HUS1: variants seen among roughly 807,000 people sequenced by gnomAD.
HUS1 encodes the protein HUS1 checkpoint clamp component.
Under a neutral mutation model 32.6 loss-of-function variants are expected in HUS1, and 31 were observed. The observed-to-expected ratio is 0.95, with a 90% confidence interval of 0.72 to 1.28. The LOEUF is 1.28. HUS1 is among the 50% of genes most tolerant of loss of function. The probability of loss-of-function intolerance (pLI) is 0.00; values close to 1 mark genes in which losing one functional copy is unlikely to be tolerated. For synonymous variants in HUS1, 123 were observed against 116.6 expected (o/e 1.06, Z -0.36); for missense variants, 340 against 337.7 (o/e 1.01, Z -0.05).
intron 5 of HUS1, among the ~76,000 whole-genome samples, chr7:47,972,621 A>C (rs1219839426): frequency 1.3e-5 from 2 of 152,246 alleles, no homozygotes; most frequent in East Asian, 3.8e-4. Context: ...AATGCTGACT[A>C]TACTGGGCAC....
chr7:47,979,215 G>C (rs1236342118), intron 1 of HUS1, among the ~76,000 whole-genome samples: 3 of 152,046 alleles, frequency 2.0e-5, no homozygotes, highest in Admixed American at 6.5e-5. Flanking sequence ...TTTTTTTAAA[G>C]CCACGTGATC....
intron 6 of HUS1, 167 bp downstream of exon 6, chr7:47,969,052 C>G: frequency 1.8e-6 from 1 of 554,262 alleles, no homozygotes. Context: ...AACTGCCCCA[C>G]TACACCACAG....
At chr7:47,978,147 A>G in intron 3 of HUS1, 1 of 352,848 alleles carries the variant, frequency 2.8e-6, no homozygotes, top group East Asian at 4.9e-5. Context: ...ATTTCTAGAC[A>G]AGGTGACAAT....
At position 47,965,115 on chromosome 7, in the gene HUS1, C is replaced by G; in HGVS notation, c.*241G>C. ...TCTTTAAAGTCTGAATAAATAAATT[C>G]TAGCTTTTCTTTTCAGTGTCTTAAA... On this transcript the variant is annotated 3_prime_UTR_variant, in exon 8 of 8. Coordinates refer to ENST00000258774, the MANE Select transcript of HUS1 (RefSeq NM_004507.4). 2.8e-6 allele frequency: 1 copy of G among 357,998 alleles called. No homozygotes were observed. 22.2% of individuals were successfully genotyped at this position (357,998 alleles called of 1,614,324 possible).
At chr7:47,970,265 C>T (rs1461015664) in intron 5 of HUS1, among the ~76,000 whole-genome samples, 1 of 117,480 alleles carries the variant, frequency 8.5e-6, no homozygotes. Flanking sequence ...GAGAAATGAA[C>T]AATAATAGAC....
At chr7:47,967,448 C>T (rs933319016) in intron 7 of HUS1, among the ~76,000 whole-genome samples, 11 of 151,938 alleles carry the variant, frequency 7.2e-5, no homozygotes, top group Non-Finnish European at 1.6e-4. Context: ...GCACTCTGAG[C>T]AGGTCAAATT....
At chr7:47,977,102 C>T (rs1454911672) in intron 3 of HUS1, among the ~76,000 whole-genome samples, 1 of 152,038 alleles carries the variant, frequency 6.6e-6, no homozygotes, top group African/African-American at 2.4e-5. Flanking sequence ...AATAAAAATG[C>T]AAACAAATGA....
At chr7:47,978,368 C>T (rs2242477) in intron 3 of HUS1, 49 bp downstream of exon 3, 760,504 of 1,525,528 alleles carry the variant, frequency 0.5, 192,629 homozygotes, top group East Asian at 0.53. Context: ...TATGTCTATT[C>T]CTTCGAGGCC....
At chr7:47,967,954 A>C in intron 6 of HUS1, 29 bp from the exon 7 acceptor site, 2 of 1,600,144 alleles carry the variant, frequency 1.2e-6, no homozygotes, top group Non-Finnish European at 1.7e-6. Flanking sequence ...ATTTAAATAC[A>C]ACATCTTCCC....
chr7:47,971,398 C>A, intron 5 of HUS1: 2 of 451,734 alleles, frequency 4.4e-6, no homozygotes, highest in Non-Finnish European at 4.5e-6. Context: ...TCGGGCACCC[C>A]TCTTCTACTC....
intron 7 of HUS1, among the ~76,000 whole-genome samples, chr7:47,967,020 A>T (rs947269659): frequency 6.6e-6 from 1 of 152,142 alleles, no homozygotes. Flanking sequence ...GGTCCTTGAC[A>T]TTGCCACCTA....
chr7:47,979,572 G>A lies in HUS1; in HGVS notation c.-53C>T. 1 of 1,441,468 alleles carries A rather than the reference G, an allele frequency of 6.9e-7. No homozygotes were observed. Among genetic ancestry groups the A allele is most frequent in the Non-Finnish European group, 9.7e-7 (1 of 1,030,166 alleles). 89.3% of individuals were successfully genotyped at this position (1,441,468 alleles called of 1,614,324 possible). On this transcript the variant is annotated 5_prime_UTR_variant, in exon 1 of 8. Coordinates refer to ENST00000258774, the MANE Select transcript of HUS1 (RefSeq NM_004507.4). ...CCTCTGTGGGTAACAGAAAAGCGTC[G>A]CGCCCTGAGTGTCCCCGCCCGGAAA...
chr7:47,965,792 AG>A (rs1339463346), intron 7 of HUS1, among the ~76,000 whole-genome samples: 3 of 152,196 alleles, frequency 2.0e-5, no homozygotes, highest in Non-Finnish European at 2.9e-5. Context: ...AGAAGAGCCA[AG>A]AGCCAGGATC....
chr7:47,969,349 A>G (rs1200652592), intron 5 of HUS1, 31 bp from the exon 6 acceptor site: 1 of 1,290,314 alleles, frequency 7.8e-7, no homozygotes, highest in East Asian at 2.3e-5. Flanking sequence ...ATAGTCTTAG[A>G]AAAGGAAGCC....
chr7:47,979,411 G>A, intron 1 of HUS1, 57 bp downstream of exon 1: 2 of 1,495,324 alleles, frequency 1.3e-6, no homozygotes, highest in Non-Finnish European at 9.0e-7. Flanking sequence ...GGTCCCCACC[G>A]CGCGCTCACT....
At chr7:47,967,389 A>G (rs1260856078) in intron 7 of HUS1, among the ~76,000 whole-genome samples, 3 of 152,214 alleles carry the variant, frequency 2.0e-5, no homozygotes, top group African/African-American at 7.2e-5. Context: ...CACAGAAAGG[A>G]AACAAGACAT....
intron 7 of HUS1, among the ~76,000 whole-genome samples, 179 bp downstream of exon 7, chr7:47,967,627 C>T (rs1788505145): frequency 1.3e-5 from 2 of 151,190 alleles, no homozygotes; most frequent in Non-Finnish European, 2.9e-5. Flanking sequence ...ACCTTAGGTA[C>T]TTCTGAATCT....
At chr7:47,974,643 T>C (rs932154302) in intron 5 of HUS1, among the ~76,000 whole-genome samples, 2 of 151,604 alleles carry the variant, frequency 1.3e-5, no homozygotes, top group Admixed American at 6.6e-5. Context: ...TTCAGGGACA[T>C]AACCAAGGGT....
At chr7:47,975,789 A>C in intron 4 of HUS1, 102 bp from the exon 5 acceptor site, 1 of 637,234 alleles carries the variant, frequency 1.6e-6, no homozygotes, top group Non-Finnish European at 2.7e-6. Flanking sequence ...GCATGCTCAA[A>C]AACTATGGGA....
Sources: gnomAD v4.1 joint callset for allele counts (sites outside exome capture counted in the v4.1 genomes callset) on GRCh38, gnomAD v4.1.1 for gene constraint, MANE v1.5 for transcripts, NCBI Gene and HGNC (gene_info 2026-07-23, HGNC 2026-07-21) for gene names.